The following MAGEB2 variants were observed in gnomAD, a reference collection of about 807,000 sequenced individuals.
MAGEB2 encodes MAGE family member B2, also known as melanoma-associated antigen B2.
For synonymous variants in MAGEB2, 107 were observed against 96.2 expected (o/e 1.11, Z -0.66); for missense variants, 365 against 243.2 (o/e 1.50, Z -3.33).
chrX:30,219,543 C>T lies in MAGEB2; in HGVS notation c.*3C>T. On this transcript the variant is annotated 3_prime_UTR_variant, in exon 2 of 2. Transcript: ENST00000378988. ...ATGAAGAGAAAGCCGGAGTCTGAGC[C>T]AGAGTTGTAGCCAGGCCTTGCACTA... The T allele has an allele frequency of 1.7e-6, 2 of 1,191,932 alleles. No individual in the cohort carries two copies. Among genetic ancestry groups the T allele is most frequent in the Non-Finnish European group, 2.3e-6 (2 of 885,053 alleles).
chrX:30,219,019 G>T lies in MAGEB2; in HGVS notation c.439G>T (p.Glu147Ter). Residue 147 changes from glutamate (E) to a stop codon, truncating the protein, a stop_gained, in exon 2 of 2, where the codon GAG (glutamate) becomes TAG (stop). Transcript: ENST00000378988. LOFTEE classifies it low-confidence loss of function (END_TRUNC). ...GAAAATTGTTGGCAAAAGGTTCAGG[G>T]AGCACTTCCCTGAGATCCTCAAGAA... Reference protein sequence around the residue: ...MLKIVGKRFREHFPEILKKAS... With the variant: ...MLKIVGKRFR 8.3e-7 allele frequency: 1 copy of T among 1,210,966 alleles called. No homozygotes were observed. Among genetic ancestry groups the T allele is most frequent in the Non-Finnish European group, 1.1e-6 (1 of 895,148 alleles).
At chrX:30,215,828 G>A (rs371044784) in intron 1 of MAGEB2, among the ~76,000 whole-genome samples, 173 bp downstream of exon 1, 1 of 110,735 alleles carries the variant, frequency 9.0e-6, no homozygotes, top group East Asian at 2.9e-4. Flanking sequence ...AGTCGCGGGG[G>A]AAGGAGGTTT....
At chrX:30,216,886 T>TAAAA (rs59753945) in intron 1 of MAGEB2, among the ~76,000 whole-genome samples, 2 of 87,484 alleles carry the variant, frequency 2.3e-5, no homozygotes, top group African/African-American at 4.2e-5. Flanking sequence ...CTCCGTCTCT[T>TAAAA]AAAAAAAAAA....
chrX:30,219,760 G>C lies in MAGEB2; in HGVS notation c.*220G>C, dbSNP rs1350462000. On this transcript the variant is annotated 3_prime_UTR_variant, in exon 2 of 2. Transcript: ENST00000378988. ...GTTTCAACAGGTTTATTTAGATTCA[G>C]AATGTAAATTTACAAATGATATAGA... 3.1e-6 allele frequency: 1 copy of C among 321,294 alleles called. No homozygotes were observed. The highest frequency in any genetic ancestry group is 5.6e-6 in the Non-Finnish European group (1 of 178,658). The allele number at this position is 321,294 out of a possible 1,213,427, so 26.5% of individuals were successfully genotyped here.
intron 1 of MAGEB2, among the ~76,000 whole-genome samples, chrX:30,217,575 C>T (rs780072766): frequency 8.9e-6 from 1 of 112,467 alleles, no homozygotes; most frequent in South Asian, 3.7e-4. Context: ...TAGACCCTCT[C>T]ATGAGTCAAA....
chrX:30,218,982 G>C lies in MAGEB2; in HGVS notation c.402G>C (p.Lys134Asn). ...YKYKIKKSVT[K>N]GEMLKIVGKR... ...ATAAAATAAAAAAGTCCGTTACAAA[G>C]GGAGAAATGCTGAAAATTGTTGGCA... The change falls in exon 2 of 2, where the codon AAG (lysine) becomes AAC (asparagine). Residue 134 changes from lysine (K) to asparagine (N), a missense_variant. By Grantham distance (94) the Lys-to-Asn change is moderately conservative. Coordinates refer to ENST00000378988, the MANE Select transcript of MAGEB2 (RefSeq NM_002364.5). 8.3e-7 allele frequency: 1 copy of C among 1,210,911 alleles called. No homozygotes were observed. Among genetic ancestry groups the C allele is most frequent in the East Asian group, 3.0e-5 (1 of 33,833 alleles).
chrX:30,216,656 G>A (rs949523983), intron 1 of MAGEB2, among the ~76,000 whole-genome samples: 21 of 110,735 alleles, frequency 1.9e-4, no homozygotes, highest in African/African-American at 5.3e-4. Context: ...CGAGACAGGC[G>A]GATCACGAGG....
chrX:30,219,048 C>G lies in MAGEB2; in HGVS notation c.468C>G (p.Ala156=), dbSNP rs747754701. The G allele has an allele frequency of 1.7e-6, 2 of 1,209,061 alleles. No homozygotes were observed. The highest frequency in any genetic ancestry group is 1.7e-5 in the African/African-American group (1 of 57,153). The change falls in exon 2 of 2, where the codon GCC becomes GCG. Residue 156 remains alanine, a synonymous_variant. Transcript: ENST00000378988. ...ACTTCCCTGAGATCCTCAAGAAAGCCTCTGAGGGCCTCAGTGTTGTCTTTG... is the reference window on the plus strand; with the variant it reads ...ACTTCCCTGAGATCCTCAAGAAAGCGTCTGAGGGCCTCAGTGTTGTCTTTG... ...REHFPEILKK[A]SEGLSVVFGL...
Position 30,219,432 on chromosome X carries a change from C to CAAG in MAGEB2, c.854_856dup (p.Lys285dup), listed in dbSNP as rs1173602214. 1 of 1,211,658 alleles carries CAAG rather than the reference C, an allele frequency of 8.3e-7. No homozygotes were observed. Among genetic ancestry groups the CAAG allele is most frequent in the Admixed American group, 2.2e-5 (1 of 46,090 alleles). Reference sequence around the variant, plus strand: ...GTCCGAGAGCCTATGCTGAAACCAGCAAGATGAAAGTCCTGGAGTTTTTGG... The same window carrying CAAG: ...GTCCGAGAGCCTATGCTGAAACCAGCAAGAAGATGAAAGTCCTGGAGTTTTTGG... On this transcript the variant is annotated inframe_insertion, in exon 2 of 2. Transcript: ENST00000378988.
Position 30,218,609 on chromosome X carries a change from G to A in MAGEB2, c.29G>A (p.Arg10His), listed in dbSNP as rs756066149. 26 of 1,208,424 alleles carry A rather than the reference G, an allele frequency of 2.2e-5. No individual in the cohort carries two copies. The highest frequency in any genetic ancestry group is 8.9e-5 in the East Asian group (3 of 33,729). Reference protein sequence around the residue: MPRGQKSKLRAREKRRKARD... With the variant: MPRGQKSKLHAREKRRKARD... ...CCTCGTGGTCAGAAGAGTAAGCTCC[G>A]TGCCCGTGAGAAACGCCGCAAGGCC... Residue 10 changes from arginine (R) to histidine (H), a missense_variant, in exon 2 of 2, where the codon CGT (arginine) becomes CAT (histidine). Arg to His is a conservative substitution (Grantham distance 29). Coordinates refer to ENST00000378988, the MANE Select transcript of MAGEB2 (RefSeq NM_002364.5).
In MAGEB2 at chrX:30,219,294, C is replaced by T. The variant is rs965369116; in HGVS notation, c.714C>T (p.His238=). 3 of 1,209,851 alleles carry T rather than the reference C, an allele frequency of 2.5e-6. No homozygotes were observed. In the African/African-American group the frequency reaches 5.3e-5, roughly 21 times the overall value. Residue 238 remains histidine, a synonymous_variant, in exon 2 of 2, where the codon CAC becomes CAT. Transcript: ENST00000378988. The part of the protein sequence containing the change: ...NMLGVYDGEE[H]SVFGEPWKLI... The stretch of plus-strand genomic sequence containing the variant: ...TGGGAGTCTATGATGGAGAGGAGCA[C>T]TCAGTCTTTGGGGAACCCTGGAAGC...
chrX:30,220,017 T>C lies in MAGEB2; in HGVS notation c.*477T>C, dbSNP rs1259425045. 1 of 124,596 alleles carries C rather than the reference T, an allele frequency of 8.0e-6. No homozygotes were observed. The highest frequency in any genetic ancestry group is 3.2e-5 in the African/African-American group (1 of 30,980). The allele number at this position is 124,596 out of a possible 1,213,427, so 10.3% of individuals were successfully genotyped here. On this transcript the variant is annotated 3_prime_UTR_variant, in exon 2 of 2. Coordinates refer to ENST00000378988, the MANE Select transcript of MAGEB2 (RefSeq NM_002364.5). ...TGGTTTACTTCATTTAATCTTTCTT[T>C]TCATAAAGATACATACCTGGATTTG...
At chrX:30,216,735 A>T (rs865894919) in intron 1 of MAGEB2, among the ~76,000 whole-genome samples, 1 of 101,118 alleles carries the variant, frequency 9.9e-6, no homozygotes, top group African/African-American at 3.6e-5. Context: ...CAAAAAAAAA[A>T]TTAGCGGGGA....
intron 1 of MAGEB2, among the ~76,000 whole-genome samples, chrX:30,217,299 T>C (rs756315577): frequency 9.0e-6 from 1 of 111,514 alleles, no homozygotes; most frequent in Non-Finnish European, 1.9e-5. Flanking sequence ...CTCAGGAAAT[T>C]TACAATCATG....
rs184949243 is a variant in MAGEB2 at position 30,216,606 on chromosome X, C to T, written c.-6+951C>T. On this transcript the variant is annotated intron_variant, in intron 1 of 1. Coordinates refer to ENST00000378988, the MANE Select transcript of MAGEB2 (RefSeq NM_002364.5). ...CATTAAAGAGGGCAGCCTGGCCGGG[C>T]GCGGTGGCTCACGCCTGTAATCCCA... Among the ~76,000 whole-genome samples, 928 of 111,498 alleles carry T rather than the reference C, an allele frequency of 8.3e-3. 13 individuals are homozygous for T. Among genetic ancestry groups the T allele is most frequent in the African/African-American group, 0.028 (867 of 30,629 alleles).
chrX:30,219,197 C>G lies in MAGEB2; in HGVS notation c.617C>G (p.Pro206Arg), dbSNP rs776963214. Residue 206 changes from proline (P) to arginine (R), a missense_variant, in exon 2 of 2, where the codon CCT becomes CGT. Coordinates refer to ENST00000378988, the MANE Select transcript of MAGEB2 (RefSeq NM_002364.5). ...WDFPRRKLLM[P>R]LLGVIFLNGN... is the part of the protein sequence containing the mutation. ...TTTCCCAGGAGAAAGCTTCTGATGC[C>G]TCTCCTGGGTGTGATCTTCTTAAAT... 8.3e-7 allele frequency: 1 copy of G among 1,208,290 alleles called. No homozygotes were observed. Among genetic ancestry groups the G allele is most frequent in the African/African-American group, 1.8e-5 (1 of 57,005 alleles).
chrX:30,219,812 G>A lies in MAGEB2; in HGVS notation c.*272G>A. On this transcript the variant is annotated 3_prime_UTR_variant, in exon 2 of 2. Coordinates refer to ENST00000378988, the MANE Select transcript of MAGEB2 (RefSeq NM_002364.5). ...CACCCTGTTATTGCTGTTTTTCAGG[G>A]ACAGTAGAAAGTGTTTTGTTTTTTG... is the stretch of plus-strand genomic sequence containing the variant. 4.2e-6 allele frequency: 1 copy of A among 240,099 alleles called. No homozygotes were observed. The highest frequency in any genetic ancestry group is 7.9e-6 in the Non-Finnish European group (1 of 127,276). 19.8% of individuals were successfully genotyped at this position (240,099 alleles called of 1,213,427 possible).
chrX:30,216,633 C>T (rs1460520746), intron 1 of MAGEB2, among the ~76,000 whole-genome samples: 1 of 111,382 alleles, frequency 9.0e-6, no homozygotes, highest in Admixed American at 9.4e-5. Context: ...GTAATCCCAG[C>T]ACTTTGGGAG....
Position 30,219,389 on chromosome X carries a change from G to A in MAGEB2, c.809G>A (p.Arg270His), listed in dbSNP as rs759980804. 26 of 1,210,285 alleles carry A rather than the reference G, an allele frequency of 2.1e-5. No individual in the cohort carries two copies. The highest frequency in any genetic ancestry group is 2.6e-5 in the Non-Finnish European group (23 of 895,239). The stretch of plus-strand genomic sequence containing the variant: ...CAGGTGCCCAGCAGTGATCCCCCAC[G>A]CTTTCAATTCCTGTGGGGTCCGAGA... The part of the protein sequence containing the change: ...YKQVPSSDPP[R>H]FQFLWGPRAY... Residue 270 changes from arginine to histidine, a missense_variant, in exon 2 of 2, where the codon CGC (arginine) becomes CAC (histidine). Arg to His is a conservative substitution (Grantham distance 29). Coordinates refer to ENST00000378988, the MANE Select transcript of MAGEB2 (RefSeq NM_002364.5).
Sources: gnomAD v4.1 joint callset for allele counts (sites outside exome capture counted in the v4.1 genomes callset) on GRCh38, gnomAD v4.1.1 for gene constraint, MANE v1.5 for transcripts, NCBI Gene and HGNC (gene_info 2026-07-23, HGNC 2026-07-21) for gene names.